The following CNBD1 variants were observed in gnomAD, a reference collection of about 807,000 sequenced individuals.
CNBD1 encodes cyclic nucleotide-binding domain-containing protein 1.
Under a neutral mutation model 54.4 loss-of-function variants are expected in CNBD1, and 71 were observed. The ratio of observed to expected loss-of-function variants is 1.30; its 90% CI spans 1.08 to 1.59. CNBD1 has a LOEUF of 1.59. Among genes scored for constraint, CNBD1 ranks in the 40% most tolerant of loss-of-function variants. The pLI is 0.00. For synonymous variants in CNBD1, 182 were observed against 170.7 expected (o/e 1.07, Z -0.51); for missense variants, 659 against 518.0 (o/e 1.27, Z -2.64).
At chr8:87,412,022 G>A (rs886365245) in intron 2 of CNBD1, among the ~76,000 whole-genome samples, 1 of 151,918 alleles carries the variant, frequency 6.6e-6, no homozygotes, top group African/African-American at 2.4e-5. Flanking sequence ...ACATTCATTA[G>A]TGCTTTTGGG....
intron 5 of CNBD1, among the ~76,000 whole-genome samples, chr8:87,230,994 A>G (rs1464222782): frequency 6.6e-6 from 1 of 152,160 alleles, no homozygotes; most frequent in Non-Finnish European, 1.5e-5. Context: ...TTAAAGTCTC[A>G]GGAAACTTAC....
intron 8 of CNBD1, among the ~76,000 whole-genome samples, chr8:87,308,594 A>C (rs1437225584): frequency 6.6e-6 from 1 of 152,208 alleles, no homozygotes; most frequent in Non-Finnish European, 1.5e-5. Context: ...TTGTGTTAGA[A>C]ACATTTCAAA....
intron 4 of CNBD1, among the ~76,000 whole-genome samples, chr8:87,026,478 G>T (rs1035626197): frequency 1.3e-5 from 2 of 151,614 alleles, no homozygotes; most frequent in Non-Finnish European, 2.9e-5. Context: ...AAAAAAAGTA[G>T]GTAAGCAAAA....
chr8:86,938,993 C>G (rs1180956782), intron 3 of CNBD1, among the ~76,000 whole-genome samples: 1 of 152,024 alleles, frequency 6.6e-6, no homozygotes, highest in Non-Finnish European at 1.5e-5. Flanking sequence ...TTCTTAAACA[C>G]AGACAGCACT....
chr8:87,309,972 T>C (rs1267210034), intron 8 of CNBD1, among the ~76,000 whole-genome samples: 1 of 152,172 alleles, frequency 6.6e-6, no homozygotes, highest in Non-Finnish European at 1.5e-5. Flanking sequence ...GATAAATGAC[T>C]TCAGTAGAGT....
chr8:87,055,851 C>T (rs58752598), intron 4 of CNBD1, among the ~76,000 whole-genome samples: 72 of 135,950 alleles, frequency 5.3e-4, no homozygotes, highest in African/African-American at 1.0e-3. Flanking sequence ...CTTCCTTCCT[C>T]CCTCCCTCCC....
chr8:87,327,780 G>T (rs1809716222), intron 8 of CNBD1, among the ~76,000 whole-genome samples: 1 of 152,114 alleles, frequency 6.6e-6, no homozygotes, highest in Admixed American at 6.6e-5. Context: ...GCTCACGCTG[G>T]GAGCTGTAGA....
At chr8:87,086,471 T>C (rs1178784052) in intron 4 of CNBD1, among the ~76,000 whole-genome samples, 1 of 152,192 alleles carries the variant, frequency 6.6e-6, no homozygotes, top group Non-Finnish European at 1.5e-5. Flanking sequence ...CAAATGCAAA[T>C]ACAATTTTGA....
intron 2 of CNBD1, among the ~76,000 whole-genome samples, chr8:86,902,588 G>A (rs1296392629): frequency 2.0e-5 from 3 of 151,910 alleles, no homozygotes; most frequent in Admixed American, 2.0e-4. Context: ...CTAGAGTTCT[G>A]CTGTGTAAAC....
intron 8 of CNBD1, among the ~76,000 whole-genome samples, chr8:87,308,991 T>C (rs117818742): frequency 2.0e-5 from 3 of 152,292 alleles, no homozygotes; most frequent in East Asian, 1.9e-4. Context: ...CATTCATTTC[T>C]TGATGGACAT....
intron 2 of CNBD1, among the ~76,000 whole-genome samples, chr8:87,407,816 A>C (rs186636294): frequency 2.0e-5 from 3 of 152,102 alleles, no homozygotes; most frequent in African/African-American, 7.2e-5. Flanking sequence ...GTGCCTACTT[A>C]TTTACTCATT....
intron 4 of CNBD1, among the ~76,000 whole-genome samples, 165 bp from the exon 5 acceptor site, chr8:87,205,828 C>T (rs1813960270): frequency 6.6e-6 from 1 of 151,920 alleles, no homozygotes; most frequent in South Asian, 2.1e-4. Flanking sequence ...GGTAACAAAT[C>T]CTAAAGTTGA....
chr8:87,244,914 T>C (rs778237895), intron 6 of CNBD1, among the ~76,000 whole-genome samples: 5 of 152,210 alleles, frequency 3.3e-5, no homozygotes, highest in Non-Finnish European at 7.4e-5. Flanking sequence ...AGTTCAGTTT[T>C]ATTACATTTA....
intron 10 of CNBD1, among the ~76,000 whole-genome samples, chr8:87,371,150 G>T (rs1235891328): frequency 3.3e-5 from 5 of 151,826 alleles, no homozygotes; most frequent in East Asian, 1.9e-4. Flanking sequence ...ATAGTTTGAA[G>T]TCAGGTAGTG....
chr8:87,276,485 C>T (rs762695764), intron 6 of CNBD1, among the ~76,000 whole-genome samples: 11 of 151,648 alleles, frequency 7.3e-5, no homozygotes, highest in Non-Finnish European at 1.2e-4. Flanking sequence ...CTTCATAATG[C>T]GTTGATAAGG....
intron 4 of CNBD1, among the ~76,000 whole-genome samples, chr8:87,008,290 C>T (rs1374559404): frequency 6.6e-6 from 1 of 152,108 alleles, no homozygotes; most frequent in Non-Finnish European, 1.5e-5. Context: ...TAAGCATATG[C>T]TTTAGTGTTC....
chr8:86,939,716 A>G lies in CNBD1; in HGVS notation c.393A>G (p.Thr131=). Residue 131 remains threonine (T), a synonymous_variant, in exon 4 of 11, where the codon ACA becomes ACG. Coordinates refer to ENST00000518476, the MANE Select transcript of CNBD1 (RefSeq NM_173538.3). ...GHILYRPKRA[T]EKFEEFLAIL... ...TTTTATATAGACCAAAAAGAGCCAC[A>G]GAGAAATTTGAAGAATTCCTAGCTA... The G allele has an allele frequency of 6.3e-7, 1 of 1,586,490 alleles. No individual in the cohort carries two copies. The highest frequency in any genetic ancestry group is 8.6e-7 in the Non-Finnish European group (1 of 1,164,348).
At chr8:87,334,371 A>T (rs989927427) in intron 8 of CNBD1, among the ~76,000 whole-genome samples, 1 of 151,574 alleles carries the variant, frequency 6.6e-6, no homozygotes, top group Non-Finnish European at 1.5e-5. Flanking sequence ...CTGTGTCTCT[A>T]TCTCCTTCAG....
chr8:87,313,677 T>C (rs1460116160), intron 8 of CNBD1, among the ~76,000 whole-genome samples: 1 of 151,900 alleles, frequency 6.6e-6, no homozygotes, highest in Non-Finnish European at 1.5e-5. Context: ...TACATTACAC[T>C]GTGTTCTTAT....
Sources: gnomAD v4.1 joint callset for allele counts (sites outside exome capture counted in the v4.1 genomes callset) on GRCh38, gnomAD v4.1.1 for gene constraint, MANE v1.5 for transcripts, NCBI Gene and HGNC (gene_info 2026-07-23, HGNC 2026-07-21) for gene names.